The following CRHR1 variants were observed in gnomAD, a reference collection of about 807,000 sequenced individuals.
CRHR1 encodes corticotropin-releasing hormone receptor 1.
In CRHR1, 28 loss-of-function variants were observed where a neutral mutation model predicts 56.0. The ratio of observed to expected loss-of-function variants is 0.50; its 90% confidence interval spans 0.37 to 0.69. The LOEUF (loss-of-function observed/expected upper bound fraction) is 0.69. CRHR1 is among the 30% of genes least tolerant of loss of function. The probability of loss-of-function intolerance (pLI) is 0.00; values close to 1 mark genes in which losing one functional copy is unlikely to be tolerated. For missense variants in CRHR1, 376 were observed against 548.0 expected (o/e 0.69, Z 3.13); for synonymous variants, 195 against 216.5 (o/e 0.90, Z 0.87).
intron 1 of CRHR1, among the ~76,000 whole-genome samples, chr17:45,789,739 C>A (rs1266154525): frequency 6.6e-6 from 1 of 152,208 alleles, no homozygotes; most frequent in East Asian, 1.9e-4. Context: ...CCTTACCCCA[C>A]CCAGTGTGGC....
At position 45,833,532 on chromosome 17, in the gene CRHR1, G is replaced by A; in HGVS notation, c.924G>A (p.Gln308=). 1 of 1,613,908 alleles carries A rather than the reference G, an allele frequency of 6.2e-7. No homozygotes were observed. The part of the protein sequence containing the change: ...LRASTTSETI[Q]YRKAVKATLV... ...CATCCACCACGTCTGAGACCATTCA[G>A]TACAGGTAACCGGGTACCACCTTCC... The change falls in exon 10 of 13, where the codon CAG becomes CAA. Residue 308 remains glutamine (Q), a synonymous_variant. Coordinates refer to ENST00000314537, the MANE Select transcript of CRHR1 (RefSeq NM_004382.5).
chr17:45,796,247 C>T (rs2061514406), intron 1 of CRHR1, among the ~76,000 whole-genome samples: 1 of 152,214 alleles, frequency 6.6e-6, no homozygotes, highest in South Asian at 2.1e-4. Context: ...TTCCCAGTGT[C>T]TGGGAGCCAC....
intron 2 of CRHR1, among the ~76,000 whole-genome samples, chr17:45,814,991 C>T (rs1036002239): frequency 1.3e-5 from 2 of 152,388 alleles, no homozygotes; most frequent in South Asian, 2.1e-4. Flanking sequence ...AAGTGCTGCT[C>T]GGCACTGCCC....
Position 45,834,864 on chromosome 17 carries a change from A to T in CRHR1, c.*100A>T. The T allele has an allele frequency of 6.7e-7, 1 of 1,500,646 alleles. No individual in the cohort carries two copies. Among genetic ancestry groups the T allele is most frequent in the Non-Finnish European group, 9.1e-7 (1 of 1,100,254 alleles). The allele number at this position is 1,500,646 out of a possible 1,614,324, so 93.0% of individuals were successfully genotyped here. The stretch of plus-strand genomic sequence containing the variant: ...CTGTGGAGGTGACCTGTTAGGTCTC[A>T]TGCCCACTCCCCCAGGAGCAGCTGG... On this transcript the variant is annotated 3_prime_UTR_variant, in exon 13 of 13. Transcript: ENST00000314537.
rs28364029 is a variant in CRHR1 at position 45,834,984 on chromosome 17, G to A, written c.*220G>A. 5.2e-4 allele frequency: 312 copies of A among 605,820 alleles called. 1 individual carries two copies. The African/African-American group carries it at 5.2e-3, about 10-fold the overall frequency. The allele number at this position is 605,820 out of a possible 1,614,324, so 37.5% of individuals were successfully genotyped here. A position where few individuals can be genotyped will look rare whatever the true frequency, so the allele number is the denominator to read the frequency against. On this transcript the variant is annotated 3_prime_UTR_variant, in exon 13 of 13. Transcript: ENST00000314537. ...ACCTACAGGACTGGGCCGGGCCCAGGGCCTCTGGCTTCCCTGCCCAATCCT... is the reference window on the plus strand; with the variant it reads ...ACCTACAGGACTGGGCCGGGCCCAGAGCCTCTGGCTTCCCTGCCCAATCCT...
chr17:45,824,105 C>G (rs1041207877), intron 4 of CRHR1, among the ~76,000 whole-genome samples: 1 of 152,106 alleles, frequency 6.6e-6, no homozygotes, highest in African/African-American at 2.4e-5. Flanking sequence ...AGGTGGGGTT[C>G]CAGGTTAGGA....
At chr17:45,798,388 T>C (rs188008371) in intron 1 of CRHR1, among the ~76,000 whole-genome samples, 5 of 151,910 alleles carry the variant, frequency 3.3e-5, no homozygotes, top group Admixed American at 2.6e-4. Context: ...TAGCCAGGTG[T>C]GATGGTGGGT....
At chr17:45,814,413 TC>T (rs1483177139) in intron 2 of CRHR1, among the ~76,000 whole-genome samples, 1 of 152,014 alleles carries the variant, frequency 6.6e-6, no homozygotes, top group African/African-American at 2.4e-5. Flanking sequence ...AGATTTAGAG[TC>T]CAAAATACCT....
At chr17:45,832,992 G>A (rs2062348537) in intron 8 of CRHR1, 146 bp from the exon 9 acceptor site, 2 of 717,904 alleles carry the variant, frequency 2.8e-6, no homozygotes, top group African/African-American at 3.5e-5. Context: ...GGGATCAAGT[G>A]ACTTGACCTT....
intron 1 of CRHR1, among the ~76,000 whole-genome samples, chr17:45,805,607 C>A (rs536718959): frequency 1.4e-3 from 206 of 152,202 alleles, no homozygotes; most frequent in African/African-American, 4.6e-3. Context: ...AGGAGCAGAC[C>A]CCAAGAAGAA....
chr17:45,788,784 G>A (rs1251220840), intron 1 of CRHR1, among the ~76,000 whole-genome samples: 4 of 152,154 alleles, frequency 2.6e-5, no homozygotes, highest in Non-Finnish European at 5.9e-5. Context: ...CTCACAATCC[G>A]TTGCACAGAG....
intron 2 of CRHR1, among the ~76,000 whole-genome samples, chr17:45,807,798 G>A (rs913753391): frequency 6.6e-5 from 10 of 152,168 alleles, no homozygotes; most frequent in Non-Finnish European, 1.2e-4. Flanking sequence ...TAATCATCTC[G>A]TTTCATCCTC....
intron 2 of CRHR1, among the ~76,000 whole-genome samples, chr17:45,812,050 C>T (rs2061834408): frequency 6.6e-6 from 1 of 152,154 alleles, no homozygotes; most frequent in African/African-American, 2.4e-5. Context: ...CAGGGATGCC[C>T]AAGTCACTGA....
At chr17:45,821,298 T>A in intron 3 of CRHR1, 57 bp from the exon 4 acceptor site, 1 of 1,497,222 alleles carries the variant, frequency 6.7e-7, no homozygotes, top group African/African-American at 1.4e-5. Context: ...TGGGCCAGGA[T>A]GGTCAGGCAG....
chr17:45,809,353 G>A (rs887684325), intron 2 of CRHR1, among the ~76,000 whole-genome samples: 1 of 152,212 alleles, frequency 6.6e-6, no homozygotes, highest in Admixed American at 6.5e-5. Context: ...CTCAGAGGCT[G>A]GGCCTGAGAG....
intron 4 of CRHR1, chr17:45,827,767 C>T (rs554683840): frequency 3.9e-5 from 6 of 152,416 alleles, no homozygotes; most frequent in East Asian, 1.9e-4. Flanking sequence ...CCTTGGTGGC[C>T]GGGCGGAACT....
chr17:45,785,972 A>G (rs1412682654), intron 1 of CRHR1, among the ~76,000 whole-genome samples: 9 of 152,194 alleles, frequency 5.9e-5, no homozygotes, highest in African/African-American at 2.4e-5. Context: ...AAGGTAGAAG[A>G]AAAACATCCA....
At chr17:45,807,583 A>G (rs750773375) in intron 2 of CRHR1, among the ~76,000 whole-genome samples, 6 of 152,216 alleles carry the variant, frequency 3.9e-5, no homozygotes, top group Non-Finnish European at 5.9e-5. Flanking sequence ...CCTCTGAAGT[A>G]GGTGCTGTTG....
intron 1 of CRHR1, among the ~76,000 whole-genome samples, chr17:45,801,702 A>G: frequency 6.6e-6 from 1 of 152,210 alleles, no homozygotes; most frequent in East Asian, 1.9e-4. Context: ...AATCACATGA[A>G]GTCTTGAAAA....
Sources: gnomAD v4.1 joint callset for allele counts (sites outside exome capture counted in the v4.1 genomes callset) on GRCh38, gnomAD v4.1.1 for gene constraint, MANE v1.5 for transcripts, NCBI Gene and HGNC (gene_info 2026-07-23, HGNC 2026-07-21) for gene names.